Variants in GRID1 observed in about 807,000 individuals in gnomAD.
GRID1 encodes the protein glutamate receptor ionotropic, delta-1.
GRID1 carries 28 observed loss-of-function variants against 98.0 expected under a neutral mutation model. The observed-to-expected ratio is 0.29, with a 90% CI of 0.21 to 0.39. The LOEUF is 0.39. Among genes scored for constraint, GRID1 ranks in the 10% least tolerant of loss-of-function variants. The pLI, the probability that GRID1 is intolerant of heterozygous loss-of-function variation, is 1.00. For synonymous variants in GRID1, 553 were observed against 538.5 expected (o/e 1.03, Z -0.37); for missense variants, 1,111 against 1,340.5 (o/e 0.83, Z 2.67).
chr10:85,833,950 T>C (rs543832111), intron 8 of GRID1, among the ~76,000 whole-genome samples: 1 of 152,084 alleles, frequency 6.6e-6, no homozygotes, highest in East Asian at 1.9e-4. Flanking sequence ...AGAAAACAGA[T>C]TGATAAAGAA....
At chr10:86,082,822 GC>G (rs1338192135) in intron 4 of GRID1, among the ~76,000 whole-genome samples, 2 of 152,156 alleles carry the variant, frequency 1.3e-5, no homozygotes, top group African/African-American at 4.8e-5. Flanking sequence ...GCACTGTCCT[GC>G]CCCCTTTCTT....
intron 8 of GRID1, among the ~76,000 whole-genome samples, chr10:85,776,722 T>C (rs1842335059): frequency 6.6e-6 from 1 of 152,198 alleles, no homozygotes; most frequent in Non-Finnish European, 1.5e-5. Context: ...CCCAACATCC[T>C]CTGCCAACGC....
chr10:86,203,274 G>A (rs1033723607), intron 3 of GRID1, among the ~76,000 whole-genome samples: 12 of 152,148 alleles, frequency 7.9e-5, no homozygotes, highest in African/African-American at 2.9e-4. Context: ...TCAGTGGGAG[G>A]AGGGGCCCTG....
chr10:85,741,246 C>T (rs1050942493), intron 8 of GRID1, among the ~76,000 whole-genome samples: 21 of 152,178 alleles, frequency 1.4e-4, no homozygotes, highest in African/African-American at 5.1e-4. Flanking sequence ...GGTTTTCTCA[C>T]TCAGTGCTGA....
intron 8 of GRID1, among the ~76,000 whole-genome samples, chr10:85,823,459 A>G (rs1226581276): frequency 6.6e-6 from 1 of 152,080 alleles, no homozygotes; most frequent in African/African-American, 2.4e-5. Context: ...TTAAAAATGC[A>G]TAATGACTAA....
intron 4 of GRID1, among the ~76,000 whole-genome samples, chr10:86,071,743 A>G (rs149603384): frequency 6.6e-6 from 1 of 152,256 alleles, no homozygotes; most frequent in African/African-American, 2.4e-5. Flanking sequence ...TGAAGAGCTC[A>G]TGGTCTACTT....
At chr10:86,286,809 A>G (rs1847438263) in intron 2 of GRID1, among the ~76,000 whole-genome samples, 1 of 152,248 alleles carries the variant, frequency 6.6e-6, no homozygotes, top group African/African-American at 2.4e-5. Flanking sequence ...CAGGGTTGAC[A>G]GCTATCTACT....
intron 4 of GRID1, among the ~76,000 whole-genome samples, chr10:86,069,109 G>A (rs889081372): frequency 6.6e-6 from 1 of 152,056 alleles, no homozygotes; most frequent in Non-Finnish European, 1.5e-5. Context: ...ATGGGCCAGG[G>A]AAGGGCAGGG....
intron 4 of GRID1, among the ~76,000 whole-genome samples, chr10:86,053,561 C>T (rs971117854): frequency 3.3e-5 from 5 of 151,974 alleles, no homozygotes; most frequent in African/African-American, 1.2e-4. Context: ...GGGGTTTCGC[C>T]GTGTTGGCCA....
At chr10:86,202,322 G>T (rs1845965931) in intron 3 of GRID1, among the ~76,000 whole-genome samples, 1 of 152,204 alleles carries the variant, frequency 6.6e-6, no homozygotes, top group South Asian at 2.1e-4. Flanking sequence ...AATATTTTTT[G>T]AATGAAGGAG....
intron 3 of GRID1, among the ~76,000 whole-genome samples, chr10:86,184,820 T>C (rs114558749): frequency 1.5e-3 from 234 of 152,250 alleles, no homozygotes; most frequent in African/African-American, 4.9e-3. Context: ...TATAGAAACA[T>C]CAATATACAA....
intron 2 of GRID1, among the ~76,000 whole-genome samples, chr10:86,305,578 C>T (rs1174608934): frequency 1.3e-5 from 2 of 152,142 alleles, no homozygotes; most frequent in African/African-American, 4.8e-5. Flanking sequence ...GAGGCAGCAG[C>T]CAGTGGGGAG....
chr10:86,003,601 T>C (rs1174743423), intron 4 of GRID1, among the ~76,000 whole-genome samples: 2 of 152,138 alleles, frequency 1.3e-5, no homozygotes, highest in African/African-American at 4.8e-5. Context: ...GTACTTCCCA[T>C]ATTCACCCAG....
chr10:85,766,703 T>C (rs1187038044), intron 8 of GRID1, among the ~76,000 whole-genome samples: 3 of 150,428 alleles, frequency 2.0e-5, no homozygotes, highest in African/African-American at 7.4e-5. Flanking sequence ...GGAGAAATTA[T>C]TATGGAACTG....
At chr10:86,025,645 AG>A (rs1843107206) in intron 4 of GRID1, among the ~76,000 whole-genome samples, 1 of 152,212 alleles carries the variant, frequency 6.6e-6, no homozygotes, top group Admixed American at 6.5e-5. Context: ...TGTTTCCTTC[AG>A]GTGTCATACA....
At chr10:86,290,375 C>T (rs1262034950) in intron 2 of GRID1, among the ~76,000 whole-genome samples, 2 of 152,304 alleles carry the variant, frequency 1.3e-5, no homozygotes, top group East Asian at 1.9e-4. Context: ...CGGCCAGGTG[C>T]GGTGGCTCAT....
chr10:85,967,307 C>A (rs1165455653), intron 4 of GRID1, among the ~76,000 whole-genome samples: 1 of 151,700 alleles, frequency 6.6e-6, no homozygotes, highest in Non-Finnish European at 1.5e-5. Flanking sequence ...AGTTACTAAA[C>A]AAGTATATAG....
rs558014550 is a variant in GRID1, at chr10:86,099,286, C to A, written c.726+39533G>T. Among the ~76,000 whole-genome samples the A allele has an allele frequency of 2.0e-5, 3 of 152,322 alleles. No homozygotes were observed. In the East Asian group the frequency reaches 5.8e-4, roughly 29 times the overall value. On this transcript the variant is annotated intron_variant, in intron 4 of 15. Transcript: ENST00000327946. ...TAGATGAGGGGTGCTGAGCACCCTG[C>A]CCATGGTGACTGCTCTATAAATCCT... is the stretch of plus-strand genomic sequence containing the variant.
chr10:85,787,415 G>T (rs2132735148), intron 8 of GRID1, among the ~76,000 whole-genome samples: 1 of 152,268 alleles, frequency 6.6e-6, no homozygotes, highest in Non-Finnish European at 1.5e-5. Flanking sequence ...GAAGCTAGCG[G>T]CCTGAGTAGC....
Sources: gnomAD v4.1 joint callset for allele counts (sites outside exome capture counted in the v4.1 genomes callset) on GRCh38, gnomAD v4.1.1 for gene constraint, MANE v1.5 for transcripts, NCBI Gene and HGNC (gene_info 2026-07-23, HGNC 2026-07-21) for gene names.